The following COL21A1 variants were observed in gnomAD, a reference collection of about 807,000 sequenced individuals.
The protein encoded by COL21A1 is collagen alpha-1(XXI) chain.
In COL21A1, 149 loss-of-function variants were observed where a neutral mutation model predicts 137.9. The ratio of observed to expected loss-of-function variants is 1.08; its 90% CI spans 0.95 to 1.24. The LOEUF is 1.24. Ranked by LOEUF, COL21A1 falls within the 50% of genes most tolerant of loss-of-function variation. The probability of loss-of-function intolerance (pLI) is 0.00; values close to 1 mark genes in which losing one functional copy is unlikely to be tolerated. For missense variants in COL21A1, 1,167 were observed against 1,158.4 expected (o/e 1.01, Z -0.11); for synonymous variants, 456 against 391.5 (o/e 1.16, Z -1.95).
chr6:56,223,324 A>G (rs1780969791), intron 1 of COL21A1, among the ~76,000 whole-genome samples: 1 of 152,066 alleles, frequency 6.6e-6, no homozygotes, highest in Admixed American at 6.6e-5. Flanking sequence ...ATATGAAGGG[A>G]AAGACTGTAC....
chr6:56,124,232 A>C lies in COL21A1; in HGVS notation c.1704+7T>G. The C allele has an allele frequency of 1.9e-6, 3 of 1,595,282 alleles. No homozygotes were observed. Among genetic ancestry groups the C allele is most frequent in the Non-Finnish European group, 2.6e-6 (3 of 1,170,118 alleles). ...AAATACTAAGAGCTTTTTTCTATCA[A>C]ACTCACAGCAGGTCCAGGGAGGCCA... On this transcript the variant is annotated splice_region_variant and intron_variant, in intron 15 of 29. Transcript: ENST00000244728.
chr6:56,082,548 A>T (rs1288653033), intron 17 of COL21A1, among the ~76,000 whole-genome samples: 4 of 151,926 alleles, frequency 2.6e-5, no homozygotes, highest in African/African-American at 9.7e-5. Context: ...GAAGAAAACT[A>T]AAAGTGAATT....
chr6:56,393,736 A>G (rs2094034477), intron 1 of COL21A1, among the ~76,000 whole-genome samples: 1 of 152,224 alleles, frequency 6.6e-6, no homozygotes, highest in African/African-American at 2.4e-5. Flanking sequence ...TGAGGCAGGT[A>G]GAAAATTGCC....
At chr6:56,106,843 G>C (rs1299141301) in intron 16 of COL21A1, among the ~76,000 whole-genome samples, 3 of 151,986 alleles carry the variant, frequency 2.0e-5, no homozygotes, top group East Asian at 3.9e-4. Context: ...CTGGAGTGCA[G>C]TGGCGCCATC....
At chr6:56,326,482 A>G (rs1765093667) in intron 1 of COL21A1, among the ~76,000 whole-genome samples, 1 of 151,902 alleles carries the variant, frequency 6.6e-6, no homozygotes, top group Non-Finnish European at 1.5e-5. Context: ...TGTCTTACCT[A>G]AAATTATCTT....
intron 9 of COL21A1, among the ~76,000 whole-genome samples, chr6:56,159,388 A>G (rs1019059201): frequency 2.2e-4 from 32 of 147,182 alleles, no homozygotes; most frequent in Non-Finnish European, 1.8e-4. Context: ...GCTGGAGTGC[A>G]ATAGCATGAT....
At chr6:56,352,741 T>C (rs1340828319) in intron 1 of COL21A1, among the ~76,000 whole-genome samples, 1 of 152,036 alleles carries the variant, frequency 6.6e-6, no homozygotes, top group African/African-American at 2.4e-5. Flanking sequence ...TCAAGAGTCT[T>C]ACAGAAAAGA....
intron 12 of COL21A1, among the ~76,000 whole-genome samples, chr6:56,137,830 C>A (rs1774111544): frequency 6.6e-6 from 1 of 152,070 alleles, no homozygotes; most frequent in South Asian, 2.1e-4. Flanking sequence ...GATGTTAAAT[C>A]CACTATATTA....
At chr6:56,239,768 C>T (rs1297123911) in intron 1 of COL21A1, among the ~76,000 whole-genome samples, 2 of 152,132 alleles carry the variant, frequency 1.3e-5, no homozygotes, top group African/African-American at 4.8e-5. Flanking sequence ...AATGTGTCCC[C>T]TCCAAAATTT....
intron 1 of COL21A1, among the ~76,000 whole-genome samples, chr6:56,296,100 A>C (rs9357904): frequency 6.6e-6 from 1 of 151,734 alleles, no homozygotes; most frequent in Admixed American, 6.6e-5. Flanking sequence ...AGTTGAGGAA[A>C]TTCCCTCCAT....
Position 56,161,106 on chromosome 6 carries a change from T to C in COL21A1, c.1371+3317A>G, listed in dbSNP as rs549062085. On this transcript the variant is annotated intron_variant, in intron 9 of 29. Transcript: ENST00000244728. ...CCTTGAAATTTTCCAAAGGCTTTTG[T>C]GTTTAGACAGAGGGTACCTTGATAG... Among the ~76,000 whole-genome samples, 387 of 152,300 alleles carry C rather than the reference T, an allele frequency of 2.5e-3. 2 individuals carry two copies. The highest frequency in any genetic ancestry group is 6.8e-3 in the Middle Eastern group (2 of 292).
intron 1 of COL21A1, among the ~76,000 whole-genome samples, chr6:56,230,130 G>T (rs1407840209): frequency 6.6e-6 from 1 of 151,656 alleles, no homozygotes; most frequent in African/African-American, 2.4e-5. Flanking sequence ...TCTTCCTGTG[G>T]GTCCTGTAAA....
At chr6:56,338,922 T>C (rs971250643) in intron 1 of COL21A1, among the ~76,000 whole-genome samples, 1 of 152,146 alleles carries the variant, frequency 6.6e-6, no homozygotes, top group African/African-American at 2.4e-5. Context: ...ACATGCTTCT[T>C]TATGATCCCT....
At chr6:56,166,825 C>A (rs975997814) in intron 7 of COL21A1, 81 bp downstream of exon 7, 1 of 1,011,948 alleles carries the variant, frequency 9.9e-7, no homozygotes, top group East Asian at 2.6e-5. Flanking sequence ...TAAATTAATA[C>A]TCAGATAGTA....
rs763657554 is a variant in COL21A1, at chr6:56,179,756, T to A, written c.462A>T (p.Ala154=). 4 of 1,613,832 alleles carry A rather than the reference T, an allele frequency of 2.5e-6. No individual in the cohort carries two copies. The African/African-American group carries it at 4.0e-5, about 16-fold the overall frequency. Residue 154 remains alanine (A), a synonymous_variant, in exon 3 of 30, where the codon GCA becomes GCT. Coordinates refer to ENST00000244728, the MANE Select transcript of COL21A1 (RefSeq NM_030820.4). ...TCTTACTATCTCTTGCTGCTTGAGC[T>A]GCATCCTTGACGTCATCTTGGGATT... ...DGKSQDDVKD[A]AQAARDSKIT...
rs1032608874 is a variant in COL21A1, at chr6:56,206,037, T to C, written c.-38-23381A>G. On this transcript the variant is annotated intron_variant, in intron 1 of 29. Coordinates refer to ENST00000244728, the MANE Select transcript of COL21A1 (RefSeq NM_030820.4). ...GCAGCCACTGCAAAAACAAACCAAA[T>C]TGTAAAGACCATTGACACTATGAAG... 3.9e-5 allele frequency among the ~76,000 whole-genome samples: 6 copies of C among 152,036 alleles called. No homozygotes were observed. In the East Asian group the frequency reaches 1.2e-3, roughly 29 times the overall value.
intron 18 of COL21A1, 43 bp downstream of exon 18, chr6:56,077,486 A>T (rs1413675348): frequency 2.0e-5 from 27 of 1,353,446 alleles, no homozygotes; most frequent in Admixed American, 3.9e-5. Flanking sequence ...AATGCATTAA[A>T]TGAGCAGATC....
At chr6:56,191,539 C>G (rs1778678667) in intron 1 of COL21A1, among the ~76,000 whole-genome samples, 1 of 144,216 alleles carries the variant, frequency 6.9e-6, no homozygotes, top group Admixed American at 7.2e-5. Context: ...TTGCAGCGAG[C>G]TGAGATCACA....
Position 56,329,498 on chromosome 6 carries a change from T to C in COL21A1, c.-39+64473A>G, listed in dbSNP as rs546374362. On this transcript the variant is annotated intron_variant, in intron 1 of 28. Coordinates refer to the COL21A1 transcript ENST00000370819. ...TTTTTATGTTGCTGCCTGGATAATGTAGGGCAGCTGCATTTTCTCCCCTCT... is the reference window on the plus strand; with the variant it reads ...TTTTTATGTTGCTGCCTGGATAATGCAGGGCAGCTGCATTTTCTCCCCTCT... Among the ~76,000 whole-genome samples the C allele has an allele frequency of 6.3e-4, 96 of 152,250 alleles. 1 individual carries two copies. Among genetic ancestry groups the C allele is most frequent in the Non-Finnish European group, 9.4e-4 (64 of 68,000 alleles).
Sources: allele counts gnomAD v4.1 joint callset (sites outside exome capture counted in the v4.1 genomes callset), GRCh38; gene constraint gnomAD v4.1.1; transcripts MANE v1.5; gene names NCBI Gene and HGNC (gene_info 2026-07-23, HGNC 2026-07-21).